MAGI3: variants seen among roughly 807,000 people sequenced by gnomAD.
The protein encoded by MAGI3 is membrane-associated guanylate kinase, WW and PDZ domain-containing protein 3.
Under a neutral mutation model 121.8 loss-of-function variants are expected in MAGI3, and 43 were observed. The observed-to-expected ratio is 0.35, with a 90% CI of 0.28 to 0.46. The LOEUF (loss-of-function observed/expected upper bound fraction) is 0.46, where lower values mean the gene tolerates loss of function less well. MAGI3 is among the 20% of genes least tolerant of loss of function. The pLI, the probability that MAGI3 is intolerant of heterozygous loss-of-function variation, is 1.00. For synonymous variants in MAGI3, 553 were observed against 639.3 expected (o/e 0.86, Z 2.04); for missense variants, 1,547 against 1,797.3 (o/e 0.86, Z 2.52).
chr1:113,545,511 C>A (rs145196219), intron 1 of MAGI3, among the ~76,000 whole-genome samples: 63 of 152,248 alleles, frequency 4.1e-4, no homozygotes, highest in South Asian at 2.5e-3. Context: ...TTGCCATGCC[C>A]GCATGCCCAG....
At chr1:113,515,674 C>T (rs765296798) in intron 1 of MAGI3, among the ~76,000 whole-genome samples, 1 of 152,046 alleles carries the variant, frequency 6.6e-6, no homozygotes, top group Non-Finnish European at 1.5e-5. Flanking sequence ...AGAGGTAGGA[C>T]TCAAAATTCA....
At chr1:113,628,718 C>CT (rs1651406278) in intron 9 of MAGI3, among the ~76,000 whole-genome samples, 1 of 151,994 alleles carries the variant, frequency 6.6e-6, no homozygotes, top group South Asian at 2.1e-4. Flanking sequence ...TTTTCCTAAG[C>CT]ACTTTAAATA....
At chr1:113,643,851 T>G in intron 11 of MAGI3, 77 bp downstream of exon 11, 1 of 1,376,770 alleles carries the variant, frequency 7.3e-7, no homozygotes, top group Non-Finnish European at 1.0e-6. Context: ...TAAGAGGAGC[T>G]CACTGTGGTG....
chr1:113,650,227 A>G (rs1653079664), intron 13 of MAGI3, among the ~76,000 whole-genome samples: 1 of 152,138 alleles, frequency 6.6e-6, no homozygotes, highest in Non-Finnish European at 1.5e-5. Flanking sequence ...AGCTTAAGGC[A>G]GGTTGCCCTA....
intron 9 of MAGI3, among the ~76,000 whole-genome samples, chr1:113,640,240 G>T (rs778028555): frequency 3.4e-4 from 52 of 152,112 alleles, no homozygotes; most frequent in Non-Finnish European, 6.5e-4. Flanking sequence ...ATAGATGCTG[G>T]CAAGGCTGTG....
At chr1:113,630,847 G>A (rs1016992511) in intron 9 of MAGI3, among the ~76,000 whole-genome samples, 5 of 152,106 alleles carry the variant, frequency 3.3e-5, no homozygotes, top group African/African-American at 9.7e-5. Context: ...CTGGTGTCTC[G>A]TAGGTTGCAG....
chr1:113,649,074 TTG>T (rs769341960), intron 12 of MAGI3, among the ~76,000 whole-genome samples, 161 bp from the exon 13 acceptor site: 1 of 152,078 alleles, frequency 6.6e-6, no homozygotes, highest in African/African-American at 2.4e-5. Context: ...TATAGTTGAA[TTG>T]TGTGTGTGTG....
chr1:113,490,425 A>C (rs1445196058), intron 1 of MAGI3, among the ~76,000 whole-genome samples: 1 of 152,242 alleles, frequency 6.6e-6, no homozygotes, highest in African/African-American at 2.4e-5. Flanking sequence ...CAGCCACTAC[A>C]AAACACACTG....
chr1:113,670,056 T>G (rs561126798), intron 16 of MAGI3, among the ~76,000 whole-genome samples: 3 of 150,298 alleles, frequency 2.0e-5, no homozygotes, highest in African/African-American at 7.3e-5. Flanking sequence ...CCACCCTCCC[T>G]TCCTGGAATA....
At chr1:113,649,572 G>T (rs1006669832) in intron 13 of MAGI3, among the ~76,000 whole-genome samples, 2 of 152,166 alleles carry the variant, frequency 1.3e-5, no homozygotes, top group East Asian at 3.8e-4. Context: ...TTACTTCTCT[G>T]TGTGAATAAC....
chr1:113,474,513 C>A (rs531598898), intron 1 of MAGI3, among the ~76,000 whole-genome samples: 18 of 152,252 alleles, frequency 1.2e-4, no homozygotes, highest in African/African-American at 3.6e-4. Context: ...CCATTTATTA[C>A]ATAGGGAATC....
intron 6 of MAGI3, among the ~76,000 whole-genome samples, chr1:113,600,028 A>G (rs1347621679): frequency 1.3e-5 from 2 of 152,236 alleles, no homozygotes; most frequent in Non-Finnish European, 2.9e-5. Flanking sequence ...ACAGCCCTTC[A>G]TGCTAAAAAC....
chr1:113,416,698 G>A (rs762857227), intron 1 of MAGI3, among the ~76,000 whole-genome samples: 68 of 150,826 alleles, frequency 4.5e-4, no homozygotes, highest in Non-Finnish European at 6.8e-4. Context: ...GATTATGAAG[G>A]AGAGCTGGTT....
chr1:113,539,525 T>C (rs1659172564), intron 1 of MAGI3, among the ~76,000 whole-genome samples: 1 of 151,998 alleles, frequency 6.6e-6, no homozygotes, highest in African/African-American at 2.4e-5. Flanking sequence ...GTGTGTCGCT[T>C]ACATTTTTTT....
chr1:113,523,413 C>G (rs1261987512), intron 1 of MAGI3, among the ~76,000 whole-genome samples: 1 of 152,080 alleles, frequency 6.6e-6, no homozygotes, highest in Non-Finnish European at 1.5e-5. Context: ...TTTGGGACTC[C>G]CTAGAGACTT....
chr1:113,627,323 G>A (rs1224353011), intron 9 of MAGI3, among the ~76,000 whole-genome samples: 1 of 151,810 alleles, frequency 6.6e-6, no homozygotes, highest in Non-Finnish European at 1.5e-5. Context: ...TTTTTGGAAT[G>A]TTTTAAGACT....
chr1:113,409,878 A>T (rs1651887034), intron 1 of MAGI3, among the ~76,000 whole-genome samples: 1 of 152,134 alleles, frequency 6.6e-6, no homozygotes, highest in Admixed American at 6.6e-5. Context: ...CTACTCAGGG[A>T]TATTTTCCTC....
chr1:113,416,347 A>G (rs1284093217), intron 1 of MAGI3, among the ~76,000 whole-genome samples: 1 of 98,944 alleles, frequency 1.0e-5, no homozygotes, highest in Non-Finnish European at 2.4e-5. Context: ...TCATATATTA[A>G]TTATATATTA....
At chr1:113,446,762 A>C (rs1654196700) in intron 1 of MAGI3, among the ~76,000 whole-genome samples, 1 of 152,242 alleles carries the variant, frequency 6.6e-6, no homozygotes, top group African/African-American at 2.4e-5. Context: ...GCTTTAAATC[A>C]AAATGTTGTA....
Sources: allele counts gnomAD v4.1 joint callset (sites outside exome capture counted in the v4.1 genomes callset), GRCh38; gene constraint gnomAD v4.1.1; transcripts MANE v1.5; gene names NCBI Gene and HGNC (gene_info 2026-07-23, HGNC 2026-07-21).